Variants in ST7 observed in about 807,000 individuals in gnomAD.
ST7 encodes the protein suppressor of tumorigenicity 7 protein.
A neutral mutation model predicts 78.7 loss-of-function variants in ST7; 28 were observed. The observed-to-expected ratio is 0.36, with a 90% confidence interval of 0.26 to 0.49. The LOEUF is 0.49. Among genes scored for constraint, ST7 ranks in the 20% least tolerant of loss-of-function variants. The pLI, the probability that ST7 is intolerant of heterozygous loss-of-function variation, is 0.99. For missense variants in ST7, 418 were observed against 696.0 expected (o/e 0.60, Z 4.49); for synonymous variants, 247 against 249.6 (o/e 0.99, Z 0.10).
intron 9 of ST7, among the ~76,000 whole-genome samples, chr7:117,164,825 A>C (rs892790575): frequency 1.6e-4 from 22 of 135,626 alleles, no homozygotes; most frequent in African/African-American, 5.9e-4. Flanking sequence ...TGAATCACTT[A>C]AACTTGCAGC....
intron 1 of ST7, among the ~76,000 whole-genome samples, chr7:116,979,838 C>A (rs1793867502): frequency 6.6e-6 from 1 of 151,894 alleles, no homozygotes; most frequent in African/African-American, 2.4e-5. Flanking sequence ...CTGCATGTTT[C>A]TGGCTTGATA....
Position 116,990,356 on chromosome 7 carries a change from A to G in ST7, c.151+36665A>G, listed in dbSNP as rs1188869059. Among the ~76,000 whole-genome samples the G allele has an allele frequency of 2.6e-5, 4 of 152,094 alleles. No homozygotes were observed. In the East Asian group the frequency reaches 7.7e-4, roughly 29 times the overall value. On this transcript the variant is annotated intron_variant, in intron 1 of 15. Transcript: ENST00000323984. The stretch of plus-strand genomic sequence containing the variant: ...GACCGTTTTCTTTCTATTCTGGGTA[A>G]ACTCATTCCTTTTACTTTTGACTAG...
At chr7:117,154,147 C>T (rs1014705750) in intron 9 of ST7, among the ~76,000 whole-genome samples, 7 of 152,056 alleles carry the variant, frequency 4.6e-5, no homozygotes, top group Non-Finnish European at 7.4e-5. Context: ...AAGACGGTGC[C>T]GTTTGGGAGC....
intron 1 of ST7, among the ~76,000 whole-genome samples, chr7:117,017,964 A>G (rs1375508194): frequency 6.6e-6 from 1 of 152,200 alleles, no homozygotes; most frequent in Non-Finnish European, 1.5e-5. Context: ...ACAGTTGTCT[A>G]AAAAGTAGAC....
chr7:117,066,932 C>T (rs1798668913), intron 1 of ST7, among the ~76,000 whole-genome samples: 1 of 151,934 alleles, frequency 6.6e-6, no homozygotes, highest in Non-Finnish European at 1.5e-5. Flanking sequence ...CTCTGGAAAC[C>T]ACTAATCTAC....
intron 1 of ST7, among the ~76,000 whole-genome samples, chr7:116,989,198 G>A (rs1794317881): frequency 6.6e-6 from 1 of 152,140 alleles, no homozygotes; most frequent in East Asian, 1.9e-4. Context: ...TTTTGGTATT[G>A]AGTCTGAAAT....
At chr7:117,106,402 CTTGT>C (rs1286182183) in intron 2 of ST7, among the ~76,000 whole-genome samples, 5 of 151,888 alleles carry the variant, frequency 3.3e-5, no homozygotes, top group East Asian at 1.9e-4. Context: ...TCTTTCAAAG[CTTGT>C]TTATTTTTAT....
chr7:117,172,082 C>G (rs1808037014), intron 10 of ST7, among the ~76,000 whole-genome samples: 1 of 151,932 alleles, frequency 6.6e-6, no homozygotes, highest in African/African-American at 2.4e-5. Flanking sequence ...TCCCAAGTGA[C>G]TAGGACTATA....
At chr7:117,020,748 T>C in intron 1 of ST7, 3 of 1,426,686 alleles carry the variant, frequency 2.1e-6, no homozygotes, top group Admixed American at 2.2e-5. Flanking sequence ...ATTTTGGCTC[T>C]AATTACAAAG....
chr7:117,120,258 C>T lies in ST7; in HGVS notation c.394+538C>T, dbSNP rs564233455. Among the ~76,000 whole-genome samples, 3 of 152,266 alleles carry T rather than the reference C, an allele frequency of 2.0e-5. No individual in the cohort carries two copies. In the East Asian group the frequency reaches 5.8e-4, roughly 29 times the overall value. On this transcript the variant is annotated intron_variant, in intron 3 of 15. Transcript: ENST00000323984. Reference sequence around the variant, plus strand: ...GTTATTTTTTCCCATTTGACTTAACCAATGGTCATTTAGGTCAGTGTTCCC... The same window carrying T: ...GTTATTTTTTCCCATTTGACTTAACTAATGGTCATTTAGGTCAGTGTTCCC...
intron 10 of ST7, among the ~76,000 whole-genome samples, chr7:117,185,315 C>A (rs983305694): frequency 1.3e-5 from 2 of 152,200 alleles, no homozygotes; most frequent in African/African-American, 4.8e-5. Context: ...CTGGCTCCAC[C>A]AATGTATTTG....
chr7:117,211,046 C>T (rs951003495), intron 13 of ST7, among the ~76,000 whole-genome samples: 1 of 152,102 alleles, frequency 6.6e-6, no homozygotes, highest in Non-Finnish European at 1.5e-5. Context: ...CCGGCCCTTC[C>T]CTAACCCAGC....
At chr7:117,202,597 G>C (rs997820059) in intron 12 of ST7, among the ~76,000 whole-genome samples, 2 of 151,976 alleles carry the variant, frequency 1.3e-5, no homozygotes, top group Admixed American at 6.5e-5. Flanking sequence ...CCTCCACCCC[G>C]CAATTTTGTC....
chr7:116,999,808 CTTTTTTTTT>C (rs71148356), intron 1 of ST7, among the ~76,000 whole-genome samples: 1 of 104,442 alleles, frequency 9.6e-6, no homozygotes, highest in East Asian at 2.8e-4. Context: ...AATTTTCTTT[CTTTTTTTTT>C]TTTTTTTTTT....
At chr7:117,019,932 C>T (rs778219619) in intron 1 of ST7, among the ~76,000 whole-genome samples, 7 of 152,126 alleles carry the variant, frequency 4.6e-5, no homozygotes, top group Non-Finnish European at 8.8e-5. Context: ...CTATATGCTG[C>T]GCAAAACCAA....
chr7:117,108,205 G>T (rs1802133775), intron 2 of ST7, among the ~76,000 whole-genome samples: 2 of 152,050 alleles, frequency 1.3e-5, no homozygotes, highest in African/African-American at 4.8e-5. Context: ...TTATCTTCTA[G>T]AACTTTTATG....
intron 1 of ST7, among the ~76,000 whole-genome samples, chr7:117,092,833 A>G (rs558350737): frequency 5.3e-4 from 80 of 152,322 alleles, no homozygotes; most frequent in African/African-American, 1.9e-3. Context: ...ACAATTTCTT[A>G]ATCCACCCTG....
At chr7:117,031,040 C>T (rs1488102275) in intron 1 of ST7, among the ~76,000 whole-genome samples, 2 of 152,052 alleles carry the variant, frequency 1.3e-5, no homozygotes, top group Non-Finnish European at 2.9e-5. Context: ...TTTTCAGGAA[C>T]ATGGATGGAA....
chr7:117,135,218 A>G (rs1430436347), intron 7 of ST7, among the ~76,000 whole-genome samples: 1 of 152,022 alleles, frequency 6.6e-6, no homozygotes, highest in Non-Finnish European at 1.5e-5. Context: ...TGGAAGGTTT[A>G]AATTCACAAG....
Sources: allele counts gnomAD v4.1 joint callset (sites outside exome capture counted in the v4.1 genomes callset), GRCh38; gene constraint gnomAD v4.1.1; transcripts MANE v1.5; gene names NCBI Gene and HGNC (gene_info 2026-07-23, HGNC 2026-07-21).